GFRA1: variants seen among roughly 807,000 people sequenced by gnomAD.
GFRA1 encodes GDNF family receptor alpha-1.
GFRA1 carries 16 observed loss-of-function variants against 51.6 expected under a neutral mutation model. The observed-to-expected ratio is 0.31, with a 90% confidence interval of 0.21 to 0.47. The LOEUF (loss-of-function observed/expected upper bound fraction) is 0.47. Among genes scored for constraint, GFRA1 ranks in the 20% least tolerant of loss-of-function variants. GFRA1 has a pLI of 1.00. For synonymous variants in GFRA1, 270 were observed against 241.3 expected (o/e 1.12, Z -1.10); for missense variants, 530 against 594.3 (o/e 0.89, Z 1.13).
Position 116,064,113 on chromosome 10 carries a change from A to T in GFRA1, c.*285T>A. ...CATGATCATCATCATCATCGAAAAC[A>T]CAGCCCCAGTTTGCTTTACAGCCCA... On this transcript the variant is annotated 3_prime_UTR_variant, in exon 11 of 11. Transcript: ENST00000355422. 2.9e-6 allele frequency: 1 copy of T among 345,842 alleles called. No homozygotes were observed. Among genetic ancestry groups the T allele is most frequent in the Non-Finnish European group, 5.4e-6 (1 of 183,804 alleles). 21.4% of individuals were successfully genotyped at this position (345,842 alleles called of 1,614,324 possible). A position where few individuals can be genotyped will look rare whatever the true frequency, so the allele number is the denominator to read the frequency against.
Position 116,092,102 on chromosome 10 carries a change from C to CGT in GFRA1, c.1015+1599_1015+1600insAC, listed in dbSNP as rs764789149. Among the ~76,000 whole-genome samples the CGT allele has an allele frequency of 6.8e-3, 689 of 100,784 alleles. 2 individuals carry two copies. Among genetic ancestry groups the CGT allele is most frequent in the Non-Finnish European group, 0.011 (515 of 48,876 alleles). 66.1% of individuals were successfully genotyped at this position (100,784 alleles called of 152,430 possible). A position where few individuals can be genotyped will look rare whatever the true frequency, so the allele number is the denominator to read the frequency against. ...GGAAATATACATACATACGTACACA[C>CGT]ACACACACACACACACACACACACA... is the stretch of plus-strand genomic sequence containing the variant. On this transcript the variant is annotated intron_variant, in intron 8 of 10. Coordinates refer to ENST00000355422, the MANE Select transcript of GFRA1 (RefSeq NM_005264.8).
Position 116,061,436 on chromosome 10 carries a change from C to T in GFRA1, c.*2962G>A, listed in dbSNP as rs1589755073. 1 of 152,014 alleles carries T rather than the reference C, an allele frequency of 6.6e-6. No homozygotes were observed. The highest frequency in any genetic ancestry group is 2.4e-5 in the African/African-American group (1 of 41,374). The allele number at this position is 152,014 out of a possible 1,614,324, so 9.4% of individuals were successfully genotyped here. A position where few individuals can be genotyped will look rare whatever the true frequency, so the allele number is the denominator to read the frequency against. On this transcript the variant is annotated 3_prime_UTR_variant, in exon 11 of 11. Coordinates refer to ENST00000355422, the MANE Select transcript of GFRA1 (RefSeq NM_005264.8). ...TCCTTCTCTATATTGTGTGCTTCTT[C>T]CTTCATGTGCTCTATTAAAAAGATA...
chr10:116,089,694 C>G (rs201889971), intron 9 of GFRA1, 47 bp downstream of exon 9: 5 of 1,517,376 alleles, frequency 3.3e-6, no homozygotes, highest in Non-Finnish European at 4.6e-6. Flanking sequence ...GTTTCACCCC[C>G]CCACCAGGAA....
At chr10:116,241,964 T>TA (rs965496142) in intron 4 of GFRA1, among the ~76,000 whole-genome samples, 12 of 151,386 alleles carry the variant, frequency 7.9e-5, no homozygotes, top group Non-Finnish European at 1.0e-4. Flanking sequence ...AGGCAGCTAT[T>TA]AAAAAAAAAG....
chr10:116,171,998 A>C (rs998552036), intron 5 of GFRA1, among the ~76,000 whole-genome samples: 9 of 152,124 alleles, frequency 5.9e-5, no homozygotes, highest in African/African-American at 2.2e-4. Context: ...AATCACTCAG[A>C]TCCCCAAAGC....
chr10:116,076,311 A>C (rs1387990053), intron 9 of GFRA1, among the ~76,000 whole-genome samples: 1 of 152,172 alleles, frequency 6.6e-6, no homozygotes, highest in Non-Finnish European at 1.5e-5. Flanking sequence ...ACCTGCCAAA[A>C]GATATCCAAA....
At position 116,064,032 on chromosome 10, in the gene GFRA1, G is replaced by C. The variant is rs1022992377; in HGVS notation, c.*366C>G. 6 of 174,342 alleles carry C rather than the reference G, an allele frequency of 3.4e-5. No individual in the cohort carries two copies. The East Asian group carries it at 8.7e-4, about 25-fold the overall frequency. 10.8% of individuals were successfully genotyped at this position (174,342 alleles called of 1,614,324 possible). ...GCTAGGAAAGGCCAGAAGTAAAACT[G>C]TTAAAATCATCATCATGATCATGAT... On this transcript the variant is annotated 3_prime_UTR_variant, in exon 11 of 11. Transcript: ENST00000355422.
intron 5 of GFRA1, among the ~76,000 whole-genome samples, chr10:116,172,667 A>G (rs10749195): frequency 0.59 from 89,266 of 152,088 alleles, 26,173 homozygotes; most frequent in Middle Eastern, 0.63. Flanking sequence ...AGTAGCTCCG[A>G]CTGGCTGGGG....
chr10:116,262,057 C>T (rs1969341487), intron 4 of GFRA1, among the ~76,000 whole-genome samples: 1 of 152,172 alleles, frequency 6.6e-6, no homozygotes, highest in Non-Finnish European at 1.5e-5. Context: ...ACAAAAAGGA[C>T]ATCCCTTGGA....
intron 6 of GFRA1, among the ~76,000 whole-genome samples, chr10:116,115,300 C>T (rs2133982316): frequency 6.6e-6 from 1 of 152,108 alleles, no homozygotes; most frequent in South Asian, 2.1e-4. Context: ...GGACTCTAAG[C>T]CTGGCTGTGA....
At chr10:116,206,566 G>C (rs942098780) in intron 5 of GFRA1, among the ~76,000 whole-genome samples, 22 of 150,592 alleles carry the variant, frequency 1.5e-4, no homozygotes, top group Non-Finnish European at 1.9e-4. Flanking sequence ...ATATGGGAAA[G>C]AGCTGATGTT....
At chr10:116,065,913 C>A (rs921430615) in intron 9 of GFRA1, among the ~76,000 whole-genome samples, 1 of 152,098 alleles carries the variant, frequency 6.6e-6, no homozygotes, top group Admixed American at 6.5e-5. Flanking sequence ...TGTTCAAAAT[C>A]TGGTGTGTTT....
At position 116,187,542 on chromosome 10, in the gene GFRA1, T is replaced by C. The variant is rs547097317; in HGVS notation, c.433+24089A>G. The stretch of plus-strand genomic sequence containing the variant: ...CAAATTAACATAATAATCTAGGAGT[T>C]AGTGGCACCGATAATCCAATGAAGG... On this transcript the variant is annotated intron_variant, in intron 5 of 10. Coordinates refer to ENST00000355422, the MANE Select transcript of GFRA1 (RefSeq NM_005264.8). Among the ~76,000 whole-genome samples the C allele has an allele frequency of 7.2e-5, 11 of 152,318 alleles. No individual in the cohort carries two copies. The East Asian group carries it at 2.1e-3, about 29-fold the overall frequency.
chr10:116,173,718 C>G (rs1961273062), intron 5 of GFRA1, among the ~76,000 whole-genome samples: 1 of 152,162 alleles, frequency 6.6e-6, no homozygotes, highest in Non-Finnish European at 1.5e-5. Flanking sequence ...CCAACTCAAA[C>G]TGGAGAAAGT....
chr10:116,067,026 C>A (rs1381133797), intron 9 of GFRA1, among the ~76,000 whole-genome samples: 2 of 152,136 alleles, frequency 1.3e-5, no homozygotes, highest in African/African-American at 4.8e-5. Context: ...TTTGCATATG[C>A]CAGCTGTGAA....
intron 5 of GFRA1, among the ~76,000 whole-genome samples, chr10:116,202,338 A>G (rs1446135143): frequency 1.3e-5 from 2 of 152,192 alleles, no homozygotes; most frequent in Admixed American, 1.3e-4. Context: ...AAGCAGCAGT[A>G]TATCTATAAG....
rs1954753982 is a variant in GFRA1, at chr10:116,060,447, C to CT, written c.*3950dup. ...GCTGTTTCGTTAGAAGGTCCCTGTT[C>CT]TGATCAGTAAGGAACATCAGCGGAC... On this transcript the variant is annotated 3_prime_UTR_variant, in exon 11 of 11. Transcript: ENST00000355422. 6.6e-6 allele frequency: 1 copy of CT among 152,222 alleles called. No individual in the cohort carries two copies. Among genetic ancestry groups the CT allele is most frequent in the African/African-American group, 2.4e-5 (1 of 41,458 alleles). 9.4% of individuals were successfully genotyped at this position (152,222 alleles called of 1,614,324 possible).
intron 6 of GFRA1, 23 bp from the exon 7 acceptor site, chr10:116,096,787 G>C (rs981227231): frequency 7.5e-7 from 1 of 1,341,610 alleles, no homozygotes; most frequent in Non-Finnish European, 1.1e-6. Flanking sequence ...AAAAGGGGTG[G>C]GGGGTGGAAA....
At chr10:116,201,231 T>G (rs1964305004) in intron 5 of GFRA1, among the ~76,000 whole-genome samples, 1 of 152,106 alleles carries the variant, frequency 6.6e-6, no homozygotes, top group Non-Finnish European at 1.5e-5. Flanking sequence ...TAGTAGTCCT[T>G]GAGTAATGAA....
Sources: gnomAD v4.1 joint callset for allele counts (sites outside exome capture counted in the v4.1 genomes callset) on GRCh38, gnomAD v4.1.1 for gene constraint, MANE v1.5 for transcripts, NCBI Gene and HGNC (gene_info 2026-07-23, HGNC 2026-07-21) for gene names.